The following NFAM1 variants were observed in gnomAD, a reference collection of about 807,000 sequenced individuals.
NFAM1 encodes NFAT activating protein with ITAM motif 1, also known as NFAT activation molecule 1.
Under a neutral mutation model 29.0 loss-of-function variants are expected in NFAM1, and 17 were observed. That is an observed-to-expected ratio of 0.59 (90% confidence interval 0.40 to 0.88). The LOEUF is 0.88. Among genes scored for constraint, NFAM1 ranks in the 40% least tolerant of loss-of-function variants. NFAM1 has a pLI of 0.00. For missense variants in NFAM1, 324 were observed against 344.6 expected (o/e 0.94, Z 0.47); for synonymous variants, 175 against 147.2 (o/e 1.19, Z -1.36).
chr22:42,399,610 G>A (rs1274174158), intron 3 of NFAM1, among the ~76,000 whole-genome samples: 1 of 152,174 alleles, frequency 6.6e-6, no homozygotes, highest in East Asian at 1.9e-4. Flanking sequence ...GAGCGCCAGG[G>A]TCAGAGCTGT....
chr22:42,393,673 C>T (rs565929257), intron 4 of NFAM1, among the ~76,000 whole-genome samples: 6 of 150,030 alleles, frequency 4.0e-5, no homozygotes, highest in African/African-American at 1.2e-4. Flanking sequence ...ACCTCAGCTT[C>T]CCAAAGTGCT....
At chr22:42,421,445 CAAAA>C (rs202030633) in intron 1 of NFAM1, among the ~76,000 whole-genome samples, 3 of 112,596 alleles carry the variant, frequency 2.7e-5, no homozygotes, top group Admixed American at 9.0e-5. Context: ...AACTCTGTCT[CAAAA>C]AAAAAAAAAA....
chr22:42,395,664 C>T (rs546465744), intron 4 of NFAM1, among the ~76,000 whole-genome samples: 2 of 151,558 alleles, frequency 1.3e-5, no homozygotes, highest in South Asian at 2.1e-4. Context: ...GGGCGGACCA[C>T]GAGGTCAGGA....
intron 1 of NFAM1, among the ~76,000 whole-genome samples, chr22:42,429,168 C>T (rs1930717637): frequency 6.6e-6 from 1 of 152,176 alleles, no homozygotes; most frequent in Non-Finnish European, 1.5e-5. Context: ...TGGCAGGTGG[C>T]TGACACTCAC....
chr22:42,433,428 A>G (rs1930867945), upstream of NFAM1, among the ~76,000 whole-genome samples: 1 of 152,230 alleles, frequency 6.6e-6, no homozygotes, highest in Admixed American at 6.5e-5. Flanking sequence ...GAGGCAAAAC[A>G]ACATGCCTAG....
At chr22:42,407,098 T>A (rs1022368192) in intron 3 of NFAM1, among the ~76,000 whole-genome samples, 2 of 142,572 alleles carry the variant, frequency 1.4e-5, no homozygotes, top group Non-Finnish European at 3.0e-5. Flanking sequence ...TTTTTTTTTT[T>A]AGATGGAGTC....
intron 1 of NFAM1, among the ~76,000 whole-genome samples, chr22:42,423,112 CAAAA>C (rs71184892): frequency 2.6e-5 from 2 of 75,708 alleles, no homozygotes; most frequent in Non-Finnish European, 2.2e-5. Context: ...GACTCCATCT[CAAAA>C]AAAAAAAAAA....
intron 1 of NFAM1, among the ~76,000 whole-genome samples, chr22:42,424,427 A>G (rs1431832022): frequency 6.6e-6 from 1 of 152,174 alleles, no homozygotes; most frequent in Non-Finnish European, 1.5e-5. Flanking sequence ...AAAAGAAACA[A>G]AAAAAGAAAC....
intron 1 of NFAM1, among the ~76,000 whole-genome samples, chr22:42,430,050 G>A (rs1386881233): frequency 1.3e-5 from 2 of 151,680 alleles, no homozygotes; most frequent in Non-Finnish European, 2.9e-5. Context: ...ATCACCTGAG[G>A]TCAGGAGTTC....
chr22:42,424,435 A>T (rs1167399018), intron 1 of NFAM1, among the ~76,000 whole-genome samples: 1 of 152,202 alleles, frequency 6.6e-6, no homozygotes, highest in Non-Finnish European at 1.5e-5. Context: ...CAAAAAAAGA[A>T]ACACAAAAAA....
chr22:42,387,054 C>A lies in NFAM1; in HGVS notation c.688G>T (p.Val230Phe). ...TCCTCATTCTCGATGCAGGCATAGACCTCGGTCTCGCGGCGCTGCAGAGCC... is the reference window on the plus strand; with the variant it reads ...TCCTCATTCTCGATGCAGGCATAGAACTCGGTCTCGCGGCGCTGCAGAGCC... ...YTALQRRETE[V>F]YACIENEDGS... Residue 230 changes from valine (V) to phenylalanine (F), a missense_variant, in exon 5 of 6, where the codon GTC (valine) becomes TTC (phenylalanine). Coordinates refer to ENST00000329021, the MANE Select transcript of NFAM1 (RefSeq NM_145912.8). 1.3e-6 allele frequency: 2 copies of A among 1,587,692 alleles called. No individual in the cohort carries two copies. Among genetic ancestry groups the A allele is most frequent in the Non-Finnish European group, 1.7e-6 (2 of 1,167,598 alleles).
rs564530303 is a variant in NFAM1, at chr22:42,427,737, G to A, written c.121+4500C>T. ...TGCTCAGTGAAAGAAGCGGGTCACC[G>A]GAGAATACACACAGTATCCTTCAAT... On this transcript the variant is annotated intron_variant, in intron 1 of 5. Transcript: ENST00000329021. Among the ~76,000 whole-genome samples, 6 of 150,536 alleles carry A rather than the reference G, an allele frequency of 4.0e-5. No individual in the cohort carries two copies. In the South Asian group the frequency reaches 1.2e-3, roughly 31 times the overall value.
At chr22:42,395,609 G>A (rs936488122) in intron 4 of NFAM1, among the ~76,000 whole-genome samples, 10 of 151,936 alleles carry the variant, frequency 6.6e-5, no homozygotes, top group Admixed American at 2.0e-4. Context: ...AAGGCCAGGC[G>A]CGGTGGCTCA....
At chr22:42,396,944 T>C (rs1219654283) in intron 4 of NFAM1, among the ~76,000 whole-genome samples, 1 of 151,744 alleles carries the variant, frequency 6.6e-6, no homozygotes, top group Non-Finnish European at 1.5e-5. Context: ...CTGGGGGGCG[T>C]GCACCTGGGG....
chr22:42,397,954 CTT>C lies in NFAM1; in HGVS notation c.565_566del (p.Lys189AlafsTer48). On this transcript the variant is annotated frameshift_variant and splice_region_variant, in exon 4 of 6. Transcript: ENST00000329021. LOFTEE classifies it high-confidence loss of function. Reference protein sequence around the residue: ...VGTALLLWNKKRMRGPGKDPT... With the variant: ...VGTALLLWNKXRMRGPGKDPT... ...GGTCCTTCCCTGGACCCCGCATCCG[CTT>C]CTGTAGGGAGAAAGGAGTCAGGGCC... is the stretch of plus-strand genomic sequence containing the variant. 1 of 1,581,498 alleles carries C rather than the reference CTT, an allele frequency of 6.3e-7. No homozygotes were observed. The highest frequency in any genetic ancestry group is 8.6e-7 in the Non-Finnish European group (1 of 1,157,354).
intron 4 of NFAM1, among the ~76,000 whole-genome samples, chr22:42,390,074 G>C (rs1929282192): frequency 6.6e-6 from 1 of 152,126 alleles, no homozygotes; most frequent in Admixed American, 6.5e-5. Context: ...CTCAGAGCAG[G>C]AACGGGAGCA....
intron 4 of NFAM1, among the ~76,000 whole-genome samples, chr22:42,395,936 A>G (rs1166075955): frequency 1.4e-5 from 2 of 147,782 alleles, no homozygotes; most frequent in African/African-American, 5.0e-5. Flanking sequence ...GAAAATGGGG[A>G]CAAAACCTTT....
At chr22:42,400,239 C>A (rs941427658) in intron 3 of NFAM1, among the ~76,000 whole-genome samples, 2 of 152,200 alleles carry the variant, frequency 1.3e-5, no homozygotes, top group Non-Finnish European at 2.9e-5. Flanking sequence ...TAGCACTTGA[C>A]AGTTTACGAA....
chr22:42,387,341 G>T (rs1363698746), intron 4 of NFAM1, among the ~76,000 whole-genome samples: 1 of 152,094 alleles, frequency 6.6e-6, no homozygotes, highest in Non-Finnish European at 1.5e-5. Flanking sequence ...ATTCCACCTG[G>T]AGGGTTCTAT....
Sources: allele counts gnomAD v4.1 joint callset (sites outside exome capture counted in the v4.1 genomes callset), GRCh38; gene constraint gnomAD v4.1.1; transcripts MANE v1.5; gene names NCBI Gene and HGNC (gene_info 2026-07-23, HGNC 2026-07-21).